Variants in BNC2 observed in about 807,000 individuals in gnomAD.
BNC2 encodes zinc finger protein basonuclin-2.
In BNC2, 20 loss-of-function variants were observed where a neutral mutation model predicts 76.3. The ratio of observed to expected loss-of-function variants is 0.26; its 90% CI spans 0.18 to 0.38. The LOEUF (loss-of-function observed/expected upper bound fraction) is 0.38. Ranked by LOEUF, BNC2 falls within the 10% of genes least tolerant of loss-of-function variation. The pLI is 1.00. For synonymous variants in BNC2, 582 were observed against 514.8 expected, an observed-to-expected ratio of 1.13 and a Z score of -1.77; for missense variants, 1,382 against 1,399.8, an observed-to-expected ratio of 0.99 and a Z score of 0.20.
rs1175588333 is a variant in BNC2, at chr9:16,435,714, C to A, written c.2480G>T (p.Cys827Phe). 10 of 1,614,010 alleles carry A rather than the reference C, an allele frequency of 6.2e-6. No homozygotes were observed. Among genetic ancestry groups the A allele is most frequent in the Non-Finnish European group, 8.5e-6 (10 of 1,180,040 alleles). ...PQKFSPEGDL[C>F]SSPDPKICYV... ...ACAGATTTTGGGGTCTGGGCTAGAA[C>A]ATAGGTCACCTTCTGGGGAGAACTT... The change falls in exon 6 of 7, where the codon TGT becomes TTT. Residue 827 changes from cysteine (C) to phenylalanine (F), a missense_variant. Physicochemically the swap from Cys to Phe is radical, Grantham distance 205. Coordinates refer to ENST00000380672, the MANE Select transcript of BNC2 (RefSeq NM_017637.6).
At chr9:16,845,895 ATCCCAGCACTT>A (rs1195745042) in intron 1 of BNC2, among the ~76,000 whole-genome samples, 2 of 151,972 alleles carry the variant, frequency 1.3e-5, no homozygotes, top group Non-Finnish European at 2.9e-5. Context: ...CACGCCTGTA[ATCCCAGCACTT>A]TGGGAGGCCG....
At chr9:16,624,355 T>TA (rs1462371281) in intron 3 of BNC2, among the ~76,000 whole-genome samples, 1 of 152,192 alleles carries the variant, frequency 6.6e-6, no homozygotes, top group East Asian at 1.9e-4. Context: ...ATGTTCACTA[T>TA]GGCAACAACA....
intron 1 of BNC2, among the ~76,000 whole-genome samples, chr9:16,863,980 T>A (rs547401404): frequency 6.6e-6 from 1 of 152,324 alleles, no homozygotes; most frequent in Non-Finnish European, 1.5e-5. Flanking sequence ...TAATGTACCA[T>A]TTTCTATTCA....
In BNC2 at chr9:16,561,365, T is replaced by C. The variant is rs182437303; in HGVS notation, c.434-8600A>G. Reference sequence around the variant, plus strand: ...CGGGGAGGGATGGCTTAGAGCCAAGTGAAGAGAGCAGGGCATTTTTGCATT... The same window carrying C: ...CGGGGAGGGATGGCTTAGAGCCAAGCGAAGAGAGCAGGGCATTTTTGCATT... On this transcript the variant is annotated intron_variant, in intron 4 of 6. Coordinates refer to ENST00000380672, the MANE Select transcript of BNC2 (RefSeq NM_017637.6). Among the ~76,000 whole-genome samples, 5 of 152,128 alleles carry C rather than the reference T, an allele frequency of 3.3e-5. No homozygotes were observed. The East Asian group carries it at 7.7e-4, about 24-fold the overall frequency.
intron 3 of BNC2, among the ~76,000 whole-genome samples, chr9:16,697,142 C>T (rs1381942809): frequency 2.6e-5 from 4 of 151,616 alleles, no homozygotes; most frequent in Non-Finnish European, 2.9e-5. Context: ...GGGTGGATCA[C>T]GAGGTCAGGA....
intron 3 of BNC2, among the ~76,000 whole-genome samples, chr9:16,671,334 G>C (rs568501785): frequency 6.6e-6 from 1 of 152,184 alleles, no homozygotes; most frequent in African/African-American, 2.4e-5. Context: ...GTGAAGCAAT[G>C]AAATAACTCA....
intron 1 of BNC2, among the ~76,000 whole-genome samples, chr9:16,818,397 C>T (rs188521132): frequency 2.0e-5 from 3 of 152,188 alleles, no homozygotes; most frequent in Admixed American, 6.5e-5. Flanking sequence ...AAGCGAGACT[C>T]CGTCTCAAAA....
At chr9:16,649,053 G>C (rs1821720107) in intron 3 of BNC2, among the ~76,000 whole-genome samples, 1 of 152,192 alleles carries the variant, frequency 6.6e-6, no homozygotes, top group African/African-American at 2.4e-5. Context: ...TGATATGTAA[G>C]TGTGTGAATG....
chr9:16,679,365 A>T (rs948889027), intron 3 of BNC2, among the ~76,000 whole-genome samples: 2 of 152,220 alleles, frequency 1.3e-5, no homozygotes, highest in Non-Finnish European at 2.9e-5. Flanking sequence ...GAAATGGTTC[A>T]ACACGATGTC....
chr9:16,644,288 G>T (rs1821566514), intron 3 of BNC2, among the ~76,000 whole-genome samples: 1 of 152,108 alleles, frequency 6.6e-6, no homozygotes, highest in Non-Finnish European at 1.5e-5. Flanking sequence ...GTTATTGCAA[G>T]ATGAACAGAG....
At chr9:16,439,816 C>A (rs1821090117) in intron 5 of BNC2, among the ~76,000 whole-genome samples, 1 of 152,204 alleles carries the variant, frequency 6.6e-6, no homozygotes, top group South Asian at 2.1e-4. Context: ...TGAGTACGTG[C>A]ATGTGGGTGT....
At chr9:16,428,412 C>G (rs1390422522) in intron 6 of BNC2, among the ~76,000 whole-genome samples, 3 of 152,146 alleles carry the variant, frequency 2.0e-5, no homozygotes, top group Non-Finnish European at 2.9e-5. Flanking sequence ...AATCTTATTT[C>G]CCATCAATGT....
intron 1 of BNC2, among the ~76,000 whole-genome samples, chr9:16,830,768 A>G (rs1432424754): frequency 6.6e-6 from 1 of 152,262 alleles, no homozygotes; most frequent in Non-Finnish European, 1.5e-5. Context: ...AAAAACATGA[A>G]AAATTATTAT....
chr9:16,865,505 C>A (rs928523196), intron 1 of BNC2, among the ~76,000 whole-genome samples: 48 of 152,280 alleles, frequency 3.2e-4, no homozygotes, highest in African/African-American at 1.2e-3. Flanking sequence ...GTGATTGCAA[C>A]TGTGAAATGG....
intron 1 of BNC2, among the ~76,000 whole-genome samples, chr9:16,792,101 C>G (rs1173587028): frequency 9.5e-6 from 1 of 104,990 alleles, no homozygotes; most frequent in Non-Finnish European, 2.7e-5. Flanking sequence ...GACCTTGACC[C>G]TCCAAAAAAA....
Position 16,410,204 on chromosome 9 carries a change from C to T in BNC2, c.*8785G>A, listed in dbSNP as rs2118877515. 1 of 152,328 alleles carries T rather than the reference C, an allele frequency of 6.6e-6. No homozygotes were observed. The highest frequency in any genetic ancestry group is 1.5e-5 in the Non-Finnish European group (1 of 68,070). The allele number at this position is 152,328 out of a possible 1,614,324, so 9.4% of individuals were successfully genotyped here. A position where few individuals can be genotyped will look rare whatever the true frequency, so the allele number is the denominator to read the frequency against. On this transcript the variant is annotated 3_prime_UTR_variant, in exon 7 of 7. Coordinates refer to ENST00000380672, the MANE Select transcript of BNC2 (RefSeq NM_017637.6). ...CTGGCTTTCCCAGATCCCCAACCAGCCCCTTCCCCTCACCTTTGGGGAGGC... is the reference window on the plus strand; with the variant it reads ...CTGGCTTTCCCAGATCCCCAACCAGTCCCTTCCCCTCACCTTTGGGGAGGC...
chr9:16,737,920 T>C (rs956988318), intron 2 of BNC2, among the ~76,000 whole-genome samples: 2 of 152,124 alleles, frequency 1.3e-5, no homozygotes, highest in Non-Finnish European at 2.9e-5. Flanking sequence ...GTGTAAAATT[T>C]ATCAGGCTAT....
chr9:16,653,563 G>C (rs1394441957), intron 3 of BNC2, among the ~76,000 whole-genome samples: 1 of 152,036 alleles, frequency 6.6e-6, no homozygotes, highest in East Asian at 1.9e-4. Flanking sequence ...GAGCACTCTG[G>C]GGGCCTGGCG....
rs1350246929 is a variant in BNC2, at chr9:16,586,780, C to G, written c.331-3695G>C. On this transcript the variant is annotated intron_variant, in intron 3 of 6. Coordinates refer to ENST00000380672, the MANE Select transcript of BNC2 (RefSeq NM_017637.6). Reference sequence around the variant, plus strand: ...AGTGGTGGGAAGTGGATGGCAGTGTCCCTGTGATCAAGGACTTGATAGTTT... The same window carrying G: ...AGTGGTGGGAAGTGGATGGCAGTGTGCCTGTGATCAAGGACTTGATAGTTT... Among the ~76,000 whole-genome samples, 3 of 152,268 alleles carry G rather than the reference C, an allele frequency of 2.0e-5. No individual in the cohort carries two copies. The East Asian group carries it at 5.8e-4, about 29-fold the overall frequency.
Sources: allele counts gnomAD v4.1 joint callset (sites outside exome capture counted in the v4.1 genomes callset), GRCh38; gene constraint gnomAD v4.1.1; transcripts MANE v1.5; gene names NCBI Gene and HGNC (gene_info 2026-07-23, HGNC 2026-07-21).